SPON1: variants seen among roughly 807,000 people sequenced by gnomAD.
SPON1 encodes spondin 1, also known as spondin-1.
SPON1 carries 52 observed loss-of-function variants against 111.7 expected under a neutral mutation model. That is an observed-to-expected ratio of 0.47 (90% CI 0.37 to 0.59). The LOEUF (loss-of-function observed/expected upper bound fraction) is 0.59. SPON1 is among the 20% of genes least tolerant of loss of function. The pLI is 0.00. For missense variants in SPON1, 957 were observed against 1,068.5 expected, an observed-to-expected ratio of 0.90 and a Z score of 1.46; for synonymous variants, 410 against 395.8, an observed-to-expected ratio of 1.04 and a Z score of -0.43.
chr11:14,118,908 T>C (rs1391222675), intron 5 of SPON1, among the ~76,000 whole-genome samples: 1 of 152,142 alleles, frequency 6.6e-6, no homozygotes, highest in Non-Finnish European at 1.5e-5. Context: ...GCAAGACAAC[T>C]GTGAGAATGG....
intron 14 of SPON1, among the ~76,000 whole-genome samples, chr11:14,261,829 T>C (rs1849186992): frequency 1.3e-5 from 2 of 152,164 alleles, no homozygotes; most frequent in African/African-American, 4.8e-5. Flanking sequence ...GCATCTCATT[T>C]AATCCTTACA....
chr11:14,168,921 T>C (rs534623672), intron 6 of SPON1, among the ~76,000 whole-genome samples: 2 of 152,314 alleles, frequency 1.3e-5, no homozygotes, highest in East Asian at 3.9e-4. Flanking sequence ...TTTGGGTTGG[T>C]TCCAAGTCAT....
intron 9 of SPON1, among the ~76,000 whole-genome samples, chr11:14,256,209 T>C (rs190390333): frequency 4.6e-5 from 7 of 152,146 alleles, no homozygotes; most frequent in Admixed American, 2.6e-4. Context: ...ATTGCGCCAT[T>C]GCGCTCCAGT....
At chr11:14,067,229 C>A (rs1345894230) in intron 3 of SPON1, among the ~76,000 whole-genome samples, 1 of 152,056 alleles carries the variant, frequency 6.6e-6, no homozygotes, top group Non-Finnish European at 1.5e-5. Context: ...AGTGGTGCAA[C>A]CTTGTGGCCT....
chr11:14,045,357 G>A (rs1554917740), intron 3 of SPON1, among the ~76,000 whole-genome samples: 5 of 151,998 alleles, frequency 3.3e-5, no homozygotes, highest in East Asian at 3.9e-4. Context: ...GGGGCAGATC[G>A]CCTGAGGTCG....
At chr11:14,226,369 A>G (rs1475988707) in intron 6 of SPON1, among the ~76,000 whole-genome samples, 1 of 152,192 alleles carries the variant, frequency 6.6e-6, no homozygotes, top group Non-Finnish European at 1.5e-5. Context: ...TTAAAACATA[A>G]TGGGATGTGA....
chr11:14,002,135 G>T (rs967532589), intron 2 of SPON1, among the ~76,000 whole-genome samples: 1 of 152,168 alleles, frequency 6.6e-6, no homozygotes, highest in Non-Finnish European at 1.5e-5. Flanking sequence ...GAGTAGATAG[G>T]ATTACACAGG....
chr11:14,255,790 AC>A lies in SPON1; in HGVS notation c.1233+4del, dbSNP rs1434712077. On this transcript the variant is annotated splice_donor_region_variant and intron_variant, in intron 9 of 15. Coordinates refer to ENST00000576479, the MANE Select transcript of SPON1 (RefSeq NM_006108.4). Reference sequence around the variant, plus strand: ...TCATCGAGAGAATCGCACGGAAGGTACTGGGTTAGAACCCACTCTGGCATCG... The same window carrying A: ...TCATCGAGAGAATCGCACGGAAGGTATGGGTTAGAACCCACTCTGGCATCG... The A allele has an allele frequency of 6.2e-7, 1 of 1,613,568 alleles. No homozygotes were observed. The highest frequency in any genetic ancestry group is 1.3e-5 in the African/African-American group (1 of 74,888).
chr11:14,113,439 T>C (rs1390622079), intron 5 of SPON1, among the ~76,000 whole-genome samples: 1 of 152,188 alleles, frequency 6.6e-6, no homozygotes, highest in African/African-American at 2.4e-5. Flanking sequence ...TTTGTGTTCT[T>C]AAATAAGGCT....
intron 5 of SPON1, among the ~76,000 whole-genome samples, chr11:14,084,002 C>T (rs545717318): frequency 6.6e-6 from 1 of 152,304 alleles, no homozygotes; most frequent in Non-Finnish European, 1.5e-5. Context: ...AAGACAATCA[C>T]AGTACTTCAG....
rs1167283395 is a variant in SPON1, at chr11:14,264,333, C to CAGAT, written c.2261-1188_2261-1185dup. On this transcript the variant is annotated intron_variant, in intron 15 of 15. Coordinates refer to ENST00000576479, the MANE Select transcript of SPON1 (RefSeq NM_006108.4). ...GGGGATGGCAAACAGACACAGAGGC[C>CAGAT]AGATAGGTTTTATTTGTAACCCAAG... 3.3e-5 allele frequency among the ~76,000 whole-genome samples: 5 copies of CAGAT among 152,222 alleles called. No homozygotes were observed. In the South Asian group the frequency reaches 8.3e-4, roughly 25 times the overall value.
At chr11:14,077,435 T>A (rs2697831) in intron 4 of SPON1, among the ~76,000 whole-genome samples, 75,566 of 151,778 alleles carry the variant, frequency 0.5, 19,263 homozygotes, top group East Asian at 0.7. Context: ...TTTATTTTTT[T>A]TTTTTTAGTT....
chr11:14,148,373 C>T lies in SPON1; in HGVS notation c.825+12805C>T, dbSNP rs534201100. ...TGGAGAGTTAAGAGATTGCGGAAAA[C>T]GAAGAGAGGGACCTTTCACTGTATT... On this transcript the variant is annotated intron_variant, in intron 6 of 15. Coordinates refer to ENST00000576479, the MANE Select transcript of SPON1 (RefSeq NM_006108.4). Among the ~76,000 whole-genome samples the T allele has an allele frequency of 3.7e-3, 564 of 152,098 alleles. 2 individuals are homozygous for T. Among genetic ancestry groups the T allele is most frequent in the Non-Finnish European group, 6.6e-3 (448 of 67,998 alleles).
chr11:14,086,281 T>A (rs1554922602), intron 5 of SPON1, among the ~76,000 whole-genome samples: 1 of 152,168 alleles, frequency 6.6e-6, no homozygotes, highest in Non-Finnish European at 1.5e-5. Context: ...TGGTTATGGG[T>A]CTGTCATAAA....
intron 2 of SPON1, among the ~76,000 whole-genome samples, chr11:14,000,010 T>C (rs1464148304): frequency 6.6e-6 from 1 of 152,176 alleles, no homozygotes; most frequent in African/African-American, 2.4e-5. Context: ...ATTACCTCTT[T>C]GGAATAAAGT....
chr11:14,094,180 C>T (rs909031417), intron 5 of SPON1, among the ~76,000 whole-genome samples: 1 of 151,376 alleles, frequency 6.6e-6, no homozygotes, highest in Admixed American at 6.6e-5. Context: ...CCACTGCACT[C>T]CAGCCTGAGT....
At chr11:13,965,050 G>A (rs891588892) in intron 1 of SPON1, among the ~76,000 whole-genome samples, 2 of 152,086 alleles carry the variant, frequency 1.3e-5, no homozygotes, top group Non-Finnish European at 2.9e-5. Context: ...ACAAAGGTGA[G>A]TGTGCCTGAG....
intron 3 of SPON1, among the ~76,000 whole-genome samples, chr11:14,056,717 G>A (rs569701686): frequency 1.3e-5 from 2 of 151,948 alleles, no homozygotes; most frequent in African/African-American, 2.4e-5. Context: ...GTGAAACCCC[G>A]TCTCTACTTA....
intron 2 of SPON1, among the ~76,000 whole-genome samples, chr11:14,000,869 A>G (rs1848312217): frequency 6.6e-6 from 1 of 152,140 alleles, no homozygotes; most frequent in Non-Finnish European, 1.5e-5. Flanking sequence ...CTCATTAACT[A>G]TATAAGCTTG....
Sources: allele counts gnomAD v4.1 joint callset (sites outside exome capture counted in the v4.1 genomes callset), GRCh38; gene constraint gnomAD v4.1.1; transcripts MANE v1.5; gene names NCBI Gene and HGNC (gene_info 2026-07-23, HGNC 2026-07-21).